SBF2: variants seen among roughly 807,000 people sequenced by gnomAD.
SBF2 encodes the protein myotubularin-related protein 13.
Under a neutral mutation model 225.2 loss-of-function variants are expected in SBF2, and 112 were observed. That is an observed-to-expected ratio of 0.50 (90% CI 0.43 to 0.58). The LOEUF is 0.58. Among genes scored for constraint, SBF2 ranks in the 20% least tolerant of loss-of-function variants. The pLI is 0.00. For synonymous variants in SBF2, 763 were observed against 773.3 expected (o/e 0.99, Z 0.22); for missense variants, 1,996 against 2,206.2 (o/e 0.90, Z 1.91).
chr11:10,102,950 TTC>T (rs955794641), intron 2 of SBF2, among the ~76,000 whole-genome samples: 4 of 152,314 alleles, frequency 2.6e-5, no homozygotes, highest in African/African-American at 4.8e-5. Flanking sequence ...CATAAAATTT[TTC>T]TCTTTTGAAA....
At chr11:10,125,897 G>A (rs1458301749) in intron 2 of SBF2, among the ~76,000 whole-genome samples, 1 of 152,104 alleles carries the variant, frequency 6.6e-6, no homozygotes, top group Non-Finnish European at 1.5e-5. Context: ...CCAAAATTTG[G>A]GTTTATTTTC....
intron 2 of SBF2, among the ~76,000 whole-genome samples, chr11:10,046,648 A>C (rs1431626461): frequency 6.6e-6 from 1 of 151,534 alleles, no homozygotes; most frequent in Non-Finnish European, 1.5e-5. Context: ...AAAAAAAAAA[A>C]CTCCTATGGC....
At chr11:10,275,122 T>C (rs1962856458) in intron 1 of SBF2, among the ~76,000 whole-genome samples, 1 of 151,584 alleles carries the variant, frequency 6.6e-6, no homozygotes, top group South Asian at 2.1e-4. Flanking sequence ...ACTAAGTCCA[T>C]AAGGAGGTAA....
At chr11:10,002,812 G>A (rs1948030472) in intron 6 of SBF2, 123 bp from the exon 7 acceptor site, 1 of 860,882 alleles carries the variant, frequency 1.2e-6, no homozygotes, top group East Asian at 2.4e-5. Context: ...GAAAATACTT[G>A]GTTAAACTGT....
chr11:9,895,625 T>C (rs1861189320), intron 17 of SBF2, among the ~76,000 whole-genome samples: 2 of 152,148 alleles, frequency 1.3e-5, no homozygotes, highest in African/African-American at 4.8e-5. Context: ...TCCAGCCTCA[T>C]GAAATTTACT....
chr11:10,258,758 T>TGAGA (rs1263213859), intron 1 of SBF2, among the ~76,000 whole-genome samples: 2 of 152,166 alleles, frequency 1.3e-5, no homozygotes, highest in African/African-American at 4.8e-5. Flanking sequence ...TATAGCCCAT[T>TGAGA]CACTACATAG....
rs1039121941 is a variant in SBF2 at position 9,887,288 on chromosome 11, A to G, written c.1929+8655T>C. 4.6e-5 allele frequency among the ~76,000 whole-genome samples: 7 copies of G among 152,004 alleles called. 1 individual carries two copies. The highest frequency in any genetic ancestry group is 1.4e-4 in the African/African-American group (6 of 41,454). On this transcript the variant is annotated intron_variant, in intron 17 of 39. Coordinates refer to ENST00000256190, the MANE Select transcript of SBF2 (RefSeq NM_030962.4). ...TGTTAATTATTCACTGAAGAACACAATAAGTGTTCTAGAGCTTCTGAGTAA... is the reference window on the plus strand; with the variant it reads ...TGTTAATTATTCACTGAAGAACACAGTAAGTGTTCTAGAGCTTCTGAGTAA...
chr11:10,171,322 C>T (rs1350093159), intron 2 of SBF2, among the ~76,000 whole-genome samples: 2 of 151,978 alleles, frequency 1.3e-5, no homozygotes, highest in Admixed American at 1.3e-4. Flanking sequence ...CCTTCTATAC[C>T]CAGTTTTTAA....
intron 2 of SBF2, among the ~76,000 whole-genome samples, chr11:10,044,279 A>G (rs1949769947): frequency 6.6e-6 from 1 of 152,102 alleles, no homozygotes; most frequent in African/African-American, 2.4e-5. Flanking sequence ...TTACTAACAA[A>G]TGAAATGAAA....
chr11:10,170,373 C>A (rs1382992928), intron 2 of SBF2, among the ~76,000 whole-genome samples: 1 of 152,022 alleles, frequency 6.6e-6, no homozygotes, highest in African/African-American at 2.4e-5. Flanking sequence ...GCACCATTTA[C>A]TGAAGAGACT....
At chr11:10,215,261 AT>A (rs1958088335) in intron 1 of SBF2, among the ~76,000 whole-genome samples, 1 of 152,140 alleles carries the variant, frequency 6.6e-6, no homozygotes, top group Non-Finnish European at 1.5e-5. Flanking sequence ...GGAAAAAAAA[AT>A]TTTACTAGCC....
chr11:10,195,981 A>T (rs1185114595), intron 1 of SBF2, among the ~76,000 whole-genome samples: 1 of 152,198 alleles, frequency 6.6e-6, no homozygotes, highest in Non-Finnish European at 1.5e-5. Flanking sequence ...GGAGGTACAC[A>T]AATGAAAAAG....
At chr11:10,226,233 A>C (rs780809378) in intron 1 of SBF2, among the ~76,000 whole-genome samples, 1 of 152,212 alleles carries the variant, frequency 6.6e-6, no homozygotes, top group Non-Finnish European at 1.5e-5. Flanking sequence ...CCAAAAAACC[A>C]AGAAAATAAA....
At chr11:9,908,893 G>T (rs115270949) in intron 16 of SBF2, among the ~76,000 whole-genome samples, 2,161 of 145,950 alleles carry the variant, frequency 0.015, 63 homozygotes, top group African/African-American at 0.051. Flanking sequence ...CCGCCACGTT[G>T]CTCAGGCTGG....
chr11:9,877,180 T>C (rs1859324642), intron 17 of SBF2, among the ~76,000 whole-genome samples: 3 of 152,194 alleles, frequency 2.0e-5, no homozygotes, highest in East Asian at 1.9e-4. Flanking sequence ...GCAGCCATAA[T>C]AACAATACAA....
At chr11:10,247,828 A>T (rs4910115) in intron 1 of SBF2, among the ~76,000 whole-genome samples, 74,641 of 152,022 alleles carry the variant, frequency 0.49, 18,697 homozygotes, top group Non-Finnish European at 0.54. Flanking sequence ...AGAAAACACC[A>T]TCATAAAAAA....
chr11:9,849,974 C>G (rs1413263698), intron 22 of SBF2, 49 bp downstream of exon 22: 1 of 1,538,764 alleles, frequency 6.5e-7, no homozygotes, highest in African/African-American at 1.4e-5. Flanking sequence ...GGATCGAGAC[C>G]TCATGTACCA....
intron 1 of SBF2, among the ~76,000 whole-genome samples, chr11:10,225,248 T>C (rs1247901914): frequency 1.3e-5 from 2 of 152,046 alleles, no homozygotes; most frequent in Non-Finnish European, 2.9e-5. Context: ...TCTTAAAATA[T>C]ACCAATTTGA....
At chr11:10,228,757 T>C (rs929169997) in intron 1 of SBF2, among the ~76,000 whole-genome samples, 2 of 152,336 alleles carry the variant, frequency 1.3e-5, no homozygotes, top group Admixed American at 6.5e-5. Context: ...TCAATGTTCA[T>C]CAAGGATATT....
Sources: gnomAD v4.1 joint callset for allele counts (sites outside exome capture counted in the v4.1 genomes callset) on GRCh38, gnomAD v4.1.1 for gene constraint, MANE v1.5 for transcripts, NCBI Gene and HGNC (gene_info 2026-07-23, HGNC 2026-07-21) for gene names.